The following DLGAP4 variants were observed in gnomAD, a reference collection of about 807,000 sequenced individuals.
DLGAP4 encodes disks large-associated protein 4.
In DLGAP4, 18 loss-of-function variants were observed where a neutral mutation model predicts 86.9. That is an observed-to-expected ratio of 0.21 (90% CI 0.14 to 0.31). The LOEUF is 0.31. Ranked by LOEUF, DLGAP4 falls within the 10% of genes least tolerant of loss-of-function variation. The probability of loss-of-function intolerance (pLI) is 1.00; values close to 1 mark genes in which losing one functional copy is unlikely to be tolerated. For missense variants in DLGAP4, 1,085 were observed against 1,362.6 expected (o/e 0.80, Z 3.21); for synonymous variants, 548 against 574.3 (o/e 0.95, Z 0.65).
intron 7 of DLGAP4, among the ~76,000 whole-genome samples, chr20:36,456,072 C>T (rs1032765493): frequency 2.0e-5 from 3 of 152,208 alleles, no homozygotes; most frequent in Non-Finnish European, 2.9e-5. Flanking sequence ...ACCATCGATT[C>T]GCGATGTCTA....
chr20:36,412,052 G>A (rs1484142842), intron 2 of DLGAP4, among the ~76,000 whole-genome samples: 1 of 152,192 alleles, frequency 6.6e-6, no homozygotes, highest in East Asian at 1.9e-4. Flanking sequence ...GTGTATTTCT[G>A]CCTCCCTCCA....
At chr20:36,413,196 T>G (rs2032552111) in intron 2 of DLGAP4, among the ~76,000 whole-genome samples, 1 of 151,900 alleles carries the variant, frequency 6.6e-6, no homozygotes, top group Non-Finnish European at 1.5e-5. Context: ...CAGGATGGTC[T>G]CGAACTCCCC....
chr20:36,371,040 TAA>T (rs2030911661), intron 2 of DLGAP4, among the ~76,000 whole-genome samples: 3 of 152,200 alleles, frequency 2.0e-5, no homozygotes, highest in African/African-American at 7.2e-5. Flanking sequence ...GACTGAGACC[TAA>T]GTCCACACAG....
intron 10 of DLGAP4, among the ~76,000 whole-genome samples, chr20:36,516,605 G>A (rs1195225107): frequency 6.6e-6 from 1 of 150,542 alleles, no homozygotes; most frequent in African/African-American, 2.5e-5. Context: ...GGCAGAGGTT[G>A]CAGTGAGCCC....
chr20:36,521,009 T>A (rs1839454663), intron 10 of DLGAP4, among the ~76,000 whole-genome samples: 1 of 152,146 alleles, frequency 6.6e-6, no homozygotes, highest in Admixed American at 6.6e-5. Flanking sequence ...ATTTTAGTAT[T>A]TTTAGTAGAG....
intron 1 of DLGAP4, among the ~76,000 whole-genome samples, chr20:36,330,313 G>A (rs1255840566): frequency 2.0e-5 from 3 of 152,094 alleles, no homozygotes; most frequent in Non-Finnish European, 2.9e-5. Context: ...TGGTGGGGGC[G>A]GCAGGACTGG....
At chr20:36,459,129 T>C (rs1023891585) in intron 7 of DLGAP4, among the ~76,000 whole-genome samples, 2 of 152,246 alleles carry the variant, frequency 1.3e-5, no homozygotes, top group Middle Eastern at 3.4e-3. Flanking sequence ...GTCCTGTCTG[T>C]GCCCCATCTC....
At chr20:36,472,404 A>G (rs112948699) in intron 7 of DLGAP4, among the ~76,000 whole-genome samples, 6,014 of 151,790 alleles carry the variant, frequency 0.04, 439 homozygotes, top group African/African-American at 0.14. Flanking sequence ...TTGTGGGGCT[A>G]AGGCGAAAGG....
At position 36,446,687 on chromosome 20, in the gene DLGAP4, G is replaced by T; in HGVS notation, c.1408-10G>T. On this transcript the variant is annotated splice_polypyrimidine_tract_variant and intron_variant, in intron 6 of 12. Coordinates refer to ENST00000339266, the MANE Select transcript of DLGAP4 (RefSeq NM_001365621.2). ...AGCCAGCTCCCTCATGCCTGCCTTTGCCTGGACAGGTACGGGAGGCAGAGC... is the reference window on the plus strand; with the variant it reads ...AGCCAGCTCCCTCATGCCTGCCTTTTCCTGGACAGGTACGGGAGGCAGAGC... 6.3e-7 allele frequency: 1 copy of T among 1,590,856 alleles called. No individual in the cohort carries two copies.
At chr20:36,437,515 A>G (rs150995176) in intron 4 of DLGAP4, among the ~76,000 whole-genome samples, 21 of 152,286 alleles carry the variant, frequency 1.4e-4, no homozygotes, top group African/African-American at 3.9e-4. Context: ...CCCTGTGGGG[A>G]GTTCCGAGAT....
chr20:36,451,380 G>C (rs547875191), intron 7 of DLGAP4, among the ~76,000 whole-genome samples: 2 of 152,042 alleles, frequency 1.3e-5, no homozygotes, highest in Non-Finnish European at 2.9e-5. Flanking sequence ...ACAGAGTCTC[G>C]CTCTCTGTCG....
chr20:36,409,414 CT>C (rs763499914), intron 2 of DLGAP4, among the ~76,000 whole-genome samples: 90,163 of 130,428 alleles, frequency 0.69, 29,848 homozygotes, highest in East Asian at 0.77. Context: ...TTTTTTAACT[CT>C]TTTTTTTTTT....
intron 2 of DLGAP4, among the ~76,000 whole-genome samples, chr20:36,403,623 T>A (rs1190003252): frequency 6.6e-6 from 1 of 152,230 alleles, no homozygotes; most frequent in Non-Finnish European, 1.5e-5. Flanking sequence ...ACAAGCAAAC[T>A]CAACGTGTTT....
chr20:36,404,307 G>A (rs2032248374), intron 2 of DLGAP4, among the ~76,000 whole-genome samples: 1 of 152,172 alleles, frequency 6.6e-6, no homozygotes, highest in Non-Finnish European at 1.5e-5. Context: ...CAGGCCAGCT[G>A]CAGAGCTCCA....
chr20:36,479,148 G>A (rs988774443), intron 7 of DLGAP4, among the ~76,000 whole-genome samples: 1 of 152,166 alleles, frequency 6.6e-6, no homozygotes, highest in Admixed American at 6.6e-5. Flanking sequence ...AGGTAGTTGA[G>A]AGGAACGTTG....
intron 2 of DLGAP4, among the ~76,000 whole-genome samples, chr20:36,420,375 G>C (rs1348502850): frequency 6.6e-6 from 1 of 152,174 alleles, no homozygotes; most frequent in South Asian, 2.1e-4. Context: ...TAGCCTGTGA[G>C]CCAAGTCCTG....
At chr20:36,366,319 C>A (rs2030687302) in intron 1 of DLGAP4, among the ~76,000 whole-genome samples, 2 of 152,130 alleles carry the variant, frequency 1.3e-5, no homozygotes, top group South Asian at 4.1e-4. Context: ...CCTCAGCCTC[C>A]CAAAGTTCTG....
At position 36,508,422 on chromosome 20, in the gene DLGAP4, C is replaced by CTTTTTTT. The variant is rs745815364; in HGVS notation, c.2512+7828_2512+7834dup. 303 of 94,438 alleles carry CTTTTTTT rather than the reference C, an allele frequency of 3.2e-3. 9 individuals carry two copies. The highest frequency in any genetic ancestry group is 0.01 in the African/African-American group (241 of 23,574). 5.9% of individuals were successfully genotyped at this position (94,438 alleles called of 1,614,324 possible). ...ATTTTCCTACTGATGTTTCAGGGTTCTTTTTTTTTTTTTTTTTTTTTTTGA... is the reference window on the plus strand; with the variant it reads ...ATTTTCCTACTGATGTTTCAGGGTTCTTTTTTTTTTTTTTTTTTTTTTTTTTTTTTGA... On this transcript the variant is annotated intron_variant, in intron 10 of 12. Coordinates refer to ENST00000339266, the MANE Select transcript of DLGAP4 (RefSeq NM_001365621.2).
intron 2 of DLGAP4, among the ~76,000 whole-genome samples, chr20:36,379,243 C>T (rs532235779): frequency 2.6e-5 from 4 of 152,208 alleles, no homozygotes; most frequent in African/African-American, 4.8e-5. Flanking sequence ...GGAAGGTGGC[C>T]GAAGCCAGAC....
Sources: gnomAD v4.1 joint callset for allele counts (sites outside exome capture counted in the v4.1 genomes callset) on GRCh38, gnomAD v4.1.1 for gene constraint, MANE v1.5 for transcripts, NCBI Gene and HGNC (gene_info 2026-07-23, HGNC 2026-07-21) for gene names.